Variants in NMNAT2 observed in about 807,000 individuals in gnomAD.
NMNAT2 encodes nicotinamide nucleotide adenylyltransferase 2.
NMNAT2 carries 11 observed loss-of-function variants against 41.6 expected under a neutral mutation model. The observed-to-expected ratio is 0.26, with a 90% CI of 0.17 to 0.44. The LOEUF (loss-of-function observed/expected upper bound fraction) is 0.44. Among genes scored for constraint, NMNAT2 ranks in the 20% least tolerant of loss-of-function variants. The pLI is 1.00. For missense variants in NMNAT2, 288 were observed against 407.7 expected (o/e 0.71, Z 2.53); for synonymous variants, 148 against 151.2 (o/e 0.98, Z 0.16).
At chr1:183,314,747 C>T (rs1016042168) in intron 1 of NMNAT2, among the ~76,000 whole-genome samples, 5 of 152,178 alleles carry the variant, frequency 3.3e-5, no homozygotes, top group African/African-American at 9.7e-5. Context: ...GACATGGTGG[C>T]TCATACGTAT....
intron 8 of NMNAT2, among the ~76,000 whole-genome samples, chr1:183,277,445 G>T (rs1057354082): frequency 6.8e-6 from 1 of 146,300 alleles, no homozygotes; most frequent in African/African-American, 2.6e-5. Context: ...AACCTGGAAG[G>T]CAGAGGTTGC....
At chr1:183,284,614 G>A in intron 6 of NMNAT2, 96 bp downstream of exon 6, 1 of 1,032,744 alleles carries the variant, frequency 9.7e-7, no homozygotes, top group South Asian at 1.3e-5. Context: ...GGAATTTGCG[G>A]TGGGGGGAAT....
At chr1:183,332,415 G>A (rs1360598187) in intron 1 of NMNAT2, among the ~76,000 whole-genome samples, 1 of 152,160 alleles carries the variant, frequency 6.6e-6, no homozygotes, top group Non-Finnish European at 1.5e-5. Context: ...GAGGCAGAAT[G>A]TGATATTAAT....
At chr1:183,364,745 G>T (rs1175504151) in intron 1 of NMNAT2, among the ~76,000 whole-genome samples, 6 of 145,786 alleles carry the variant, frequency 4.1e-5, no homozygotes, top group Admixed American at 1.4e-4. Context: ...AGGCTAGAGT[G>T]CAGTGGCACG....
At chr1:183,341,728 A>AAAAAAAAAAAAAAAAAAAAAAAAAT (rs1662813138) in intron 1 of NMNAT2, among the ~76,000 whole-genome samples, 1 of 135,084 alleles carries the variant, frequency 7.4e-6, no homozygotes, top group Non-Finnish European at 1.6e-5. Context: ...CAAACACCAA[A>AAAAAAAAAAAAAAAAAAAAAAAAAT]AAAAAAAAAA....
At chr1:183,362,154 G>T (rs1663320123) in intron 1 of NMNAT2, among the ~76,000 whole-genome samples, 1 of 152,000 alleles carries the variant, frequency 6.6e-6, no homozygotes, top group Non-Finnish European at 1.5e-5. Context: ...GGCCAGGCTG[G>T]TCTCTAACTC....
At chr1:183,379,482 T>C (rs184790504) in intron 1 of NMNAT2, among the ~76,000 whole-genome samples, 11 of 152,232 alleles carry the variant, frequency 7.2e-5, no homozygotes, top group African/African-American at 2.6e-4. Flanking sequence ...TGCCCAGCCA[T>C]GAACCCCACT....
At chr1:183,388,614 A>T (rs1253163267) in intron 1 of NMNAT2, among the ~76,000 whole-genome samples, 1 of 152,248 alleles carries the variant, frequency 6.6e-6, no homozygotes, top group East Asian at 1.9e-4. Flanking sequence ...ACTAGTCCTC[A>T]GTTCAATTAT....
At chr1:183,269,027 G>A (rs191175148) in intron 8 of NMNAT2, among the ~76,000 whole-genome samples, 79 of 152,296 alleles carry the variant, frequency 5.2e-4, no homozygotes, top group Admixed American at 7.8e-4. Flanking sequence ...CTATGATCAC[G>A]CCACTGCACG....
intron 1 of NMNAT2, among the ~76,000 whole-genome samples, chr1:183,314,080 C>T (rs1328304470): frequency 2.0e-5 from 3 of 152,186 alleles, no homozygotes; most frequent in Non-Finnish European, 4.4e-5. Context: ...CAGTGTCTGC[C>T]GTGTGGAACC....
At chr1:183,255,660 GGGTTTTTT>G (rs1660496344) in intron 10 of NMNAT2, among the ~76,000 whole-genome samples, 2 of 114,820 alleles carry the variant, frequency 1.7e-5, no homozygotes, top group African/African-American at 7.8e-5. Flanking sequence ...TTATTCCTAA[GGGTTTTTT>G]TTTTTTTTTT....
At chr1:183,372,766 C>G (rs975517717) in intron 1 of NMNAT2, among the ~76,000 whole-genome samples, 1 of 152,158 alleles carries the variant, frequency 6.6e-6, no homozygotes. Flanking sequence ...CCAAGATGGA[C>G]AACAGGGCTT....
intron 1 of NMNAT2, among the ~76,000 whole-genome samples, chr1:183,403,338 G>A (rs764146575): frequency 1.3e-5 from 2 of 152,016 alleles, no homozygotes; most frequent in Admixed American, 6.6e-5. Context: ...ATGTTTAATC[G>A]CAATAGCCTG....
intron 1 of NMNAT2, among the ~76,000 whole-genome samples, chr1:183,414,415 T>C (rs957398317): frequency 1.3e-5 from 2 of 152,272 alleles, no homozygotes; most frequent in African/African-American, 4.8e-5. Flanking sequence ...GACTTCCCAG[T>C]GGTAGATTTA....
At chr1:183,254,286 G>A (rs1336649349) in intron 10 of NMNAT2, among the ~76,000 whole-genome samples, 1 of 152,068 alleles carries the variant, frequency 6.6e-6, no homozygotes, top group Non-Finnish European at 1.5e-5. Context: ...ATTCTAATAG[G>A]TGTGAGGTAG....
chr1:183,317,174 G>T (rs1175364414), intron 1 of NMNAT2, among the ~76,000 whole-genome samples: 3 of 152,252 alleles, frequency 2.0e-5, no homozygotes, highest in African/African-American at 7.2e-5. Flanking sequence ...CCTCAGAGTG[G>T]GGTGGGCCTG....
rs548944724 is a variant in NMNAT2 at position 183,339,523 on chromosome 1, G to C, written c.86-45730C>G. On this transcript the variant is annotated intron_variant, in intron 1 of 10. Coordinates refer to ENST00000287713, the MANE Select transcript of NMNAT2 (RefSeq NM_015039.4). Reference sequence around the variant, plus strand: ...ATCGGAAGCCCAGTCCAGAGGAGCAGTACTGGGTTCAAATCCCAGAGCTGA... The same window carrying C: ...ATCGGAAGCCCAGTCCAGAGGAGCACTACTGGGTTCAAATCCCAGAGCTGA... Among the ~76,000 whole-genome samples, 30 of 152,252 alleles carry C rather than the reference G, an allele frequency of 2.0e-4. No homozygotes were observed. The East Asian group carries it at 5.4e-3, about 28-fold the overall frequency.
chr1:183,289,001 C>T (rs1661465472), intron 4 of NMNAT2, among the ~76,000 whole-genome samples: 1 of 152,250 alleles, frequency 6.6e-6, no homozygotes, highest in African/African-American at 2.4e-5. Context: ...GAACAGCCAG[C>T]TGGTCCTCTC....
At chr1:183,380,344 T>C (rs1663778583) in intron 1 of NMNAT2, among the ~76,000 whole-genome samples, 1 of 152,254 alleles carries the variant, frequency 6.6e-6, no homozygotes, top group African/African-American at 2.4e-5. Context: ...TTTTTTCTTT[T>C]GCTATGGTTT....
Sources: allele counts gnomAD v4.1 joint callset (sites outside exome capture counted in the v4.1 genomes callset), GRCh38; gene constraint gnomAD v4.1.1; transcripts MANE v1.5; gene names NCBI Gene and HGNC (gene_info 2026-07-23, HGNC 2026-07-21).